Variants in LMBR1 observed in about 807,000 individuals in gnomAD.
LMBR1 encodes limb region 1 protein homolog.
A neutral mutation model predicts 73.9 loss-of-function variants in LMBR1; 52 were observed. That is an observed-to-expected ratio of 0.70 (90% CI 0.56 to 0.89). The LOEUF (loss-of-function observed/expected upper bound fraction) is 0.89, where lower values mean the gene tolerates loss of function less well. Among genes scored for constraint, LMBR1 ranks in the 40% least tolerant of loss-of-function variants. The probability of loss-of-function intolerance (pLI) is 0.00; values close to 1 mark genes in which losing one functional copy is unlikely to be tolerated. For missense variants in LMBR1, 539 were observed against 579.8 expected, an observed-to-expected ratio of 0.93 and a Z score of 0.72; for synonymous variants, 215 against 209.4, an observed-to-expected ratio of 1.03 and a Z score of -0.23.
intron 4 of LMBR1, among the ~76,000 whole-genome samples, chr7:156,820,450 A>G (rs766910317): frequency 7.9e-5 from 12 of 152,146 alleles, no homozygotes; most frequent in Non-Finnish European, 1.2e-4. Context: ...TATGTTGACG[A>G]TATTTTGCTG....
At chr7:156,891,225 TATATATATACACACAC>T (rs1235038417) in intron 1 of LMBR1, among the ~76,000 whole-genome samples, 1 of 77,258 alleles carries the variant, frequency 1.3e-5, no homozygotes, top group African/African-American at 4.8e-5. Context: ...TATATATATA[TATATATATACACACAC>T]ACACACACAC....
downstream of LMBR1, among the ~76,000 whole-genome samples, chr7:156,675,168 G>A (rs568169655): frequency 6.6e-6 from 1 of 152,370 alleles, no homozygotes; most frequent in South Asian, 2.1e-4. Context: ...CGAAGAGACA[G>A]TAACGCCTGA....
At chr7:156,824,800 G>A (rs999893882) in intron 4 of LMBR1, among the ~76,000 whole-genome samples, 4 of 151,472 alleles carry the variant, frequency 2.6e-5, no homozygotes, top group Admixed American at 2.0e-4. Context: ...AGCCATGATC[G>A]TGTCACTGCA....
chr7:156,748,408 T>C (rs754403151), intron 9 of LMBR1, among the ~76,000 whole-genome samples: 2 of 152,334 alleles, frequency 1.3e-5, no homozygotes, highest in African/African-American at 4.8e-5. Flanking sequence ...AAGCTACTAT[T>C]GGGAATACCA....
In LMBR1 at chr7:156,677,994, C is replaced by T. The variant is rs1006481810; in HGVS notation, c.*6084G>A. 2.0e-5 allele frequency: 3 copies of T among 152,246 alleles called. No individual in the cohort carries two copies. The highest frequency in any genetic ancestry group is 7.2e-5 in the African/African-American group (3 of 41,444). 9.4% of individuals were successfully genotyped at this position (152,246 alleles called of 1,614,324 possible). On this transcript the variant is annotated 3_prime_UTR_variant, in exon 17 of 17. Transcript: ENST00000353442. ...AAAGGCCAGAGCAGTCCGATTCCGC[C>T]GCCCTAAACTTTGGATCTAGAAGGA...
chr7:156,847,247 C>A (rs890113292), intron 1 of LMBR1, among the ~76,000 whole-genome samples: 1 of 152,138 alleles, frequency 6.6e-6, no homozygotes, highest in East Asian at 1.9e-4. Flanking sequence ...AAAAATGAAT[C>A]TAGACATAGA....
At position 156,681,534 on chromosome 7, in the gene LMBR1, A is replaced by T. The variant is rs533101615; in HGVS notation, c.*2544T>A. 3 of 154,742 alleles carry T rather than the reference A, an allele frequency of 1.9e-5. No homozygotes were observed. The highest frequency in any genetic ancestry group is 7.2e-5 in the African/African-American group (3 of 41,610). The allele number at this position is 154,742 out of a possible 1,614,324, so 9.6% of individuals were successfully genotyped here. On this transcript the variant is annotated 3_prime_UTR_variant, in exon 17 of 17. Transcript: ENST00000353442. ...ATCTGAAAACTTATAATTGTAAAAT[A>T]ATTTATTTAAGTATTGCAGAACCAA...
chr7:156,768,794 C>G (rs539678547), intron 5 of LMBR1, among the ~76,000 whole-genome samples: 2 of 152,264 alleles, frequency 1.3e-5, no homozygotes, highest in East Asian at 3.9e-4. Flanking sequence ...TGTTCCACCC[C>G]AGAAGAGGGA....
At chr7:156,758,691 C>T (rs878865799) in intron 8 of LMBR1, among the ~76,000 whole-genome samples, 1 of 152,322 alleles carries the variant, frequency 6.6e-6, no homozygotes, top group Admixed American at 6.5e-5. Context: ...CTGGAAACTT[C>T]CTGAAGCACT....
At chr7:156,717,958 C>G (rs554620872) in intron 15 of LMBR1, among the ~76,000 whole-genome samples, 6 of 152,134 alleles carry the variant, frequency 3.9e-5, no homozygotes, top group Non-Finnish European at 5.9e-5. Context: ...TTAGAAGTGG[C>G]GGCCGGATCT....
chr7:156,871,284 G>T (rs188322880), intron 1 of LMBR1, among the ~76,000 whole-genome samples: 1 of 152,164 alleles, frequency 6.6e-6, no homozygotes, highest in African/African-American at 2.4e-5. Context: ...GAAGTATGCA[G>T]ACTGAATCAG....
At chr7:156,747,372 T>G (rs1276197194) in intron 9 of LMBR1, among the ~76,000 whole-genome samples, 2 of 152,156 alleles carry the variant, frequency 1.3e-5, no homozygotes, top group Admixed American at 1.3e-4. Context: ...AATATTTTGC[T>G]TCCAAGATAA....
intron 9 of LMBR1, among the ~76,000 whole-genome samples, chr7:156,755,437 T>C (rs566304439): frequency 6.6e-6 from 1 of 152,370 alleles, no homozygotes; most frequent in East Asian, 1.9e-4. Context: ...CCTCCTTATC[T>C]GTGAAACAGA....
At chr7:156,879,663 C>CAAAAAAA (rs751353773) in intron 1 of LMBR1, among the ~76,000 whole-genome samples, 5 of 92,440 alleles carry the variant, frequency 5.4e-5, no homozygotes, top group African/African-American at 2.1e-4. Flanking sequence ...GACTCTGTCT[C>CAAAAAAA]AAAAAAAAAA....
rs150269423 is a variant in LMBR1, at chr7:156,787,105, T to C, written c.423+9284A>G. ...AGCTAAGGCTGACAGTCTTCCTCTA[T>C]CAATGGGCAAGGTGTGCGCATGCTT... On this transcript the variant is annotated intron_variant, in intron 5 of 16. Coordinates refer to ENST00000353442, the MANE Select transcript of LMBR1 (RefSeq NM_022458.4). Among the ~76,000 whole-genome samples, 17 of 152,272 alleles carry C rather than the reference T, an allele frequency of 1.1e-4. No individual in the cohort carries two copies. In the East Asian group the frequency reaches 3.3e-3, roughly 29 times the overall value.
At chr7:156,864,990 T>C (rs370297395) in intron 1 of LMBR1, among the ~76,000 whole-genome samples, 1 of 136,444 alleles carries the variant, frequency 7.3e-6, no homozygotes, top group South Asian at 2.4e-4. Context: ...CGCGAGACTC[T>C]GTCTCAAAAA....
intron 5 of LMBR1, among the ~76,000 whole-genome samples, chr7:156,767,076 CT>C (rs1824228512): frequency 6.6e-6 from 1 of 152,192 alleles, no homozygotes; most frequent in Admixed American, 6.5e-5. Flanking sequence ...GCTCATTCAA[CT>C]GTCCTCCCCC....
intron 13 of LMBR1, 33 bp from the exon 14 acceptor site, chr7:156,725,558 G>A: frequency 6.1e-6 from 9 of 1,466,396 alleles, no homozygotes; most frequent in Non-Finnish European, 8.4e-6. Context: ...CTCTCCAACA[G>A]AATGCAAGTT....
intron 4 of LMBR1, among the ~76,000 whole-genome samples, chr7:156,817,711 AC>A (rs969743027): frequency 6.6e-5 from 10 of 152,320 alleles, no homozygotes; most frequent in African/African-American, 2.4e-4. Context: ...CAATGTAAAT[AC>A]CAAAAAAAAA....
Sources: allele counts gnomAD v4.1 joint callset (sites outside exome capture counted in the v4.1 genomes callset), GRCh38; gene constraint gnomAD v4.1.1; transcripts MANE v1.5; gene names NCBI Gene and HGNC (gene_info 2026-07-23, HGNC 2026-07-21).